ANTXR1: variants seen among roughly 807,000 people sequenced by gnomAD.
ANTXR1 encodes anthrax toxin receptor 1.
Under a neutral mutation model 78.1 loss-of-function variants are expected in ANTXR1, and 19 were observed. The observed-to-expected ratio is 0.24, with a 90% CI of 0.17 to 0.36. The LOEUF (loss-of-function observed/expected upper bound fraction) is 0.36. Ranked by LOEUF, ANTXR1 falls within the 10% of genes least tolerant of loss-of-function variation. The pLI is 1.00. For synonymous variants in ANTXR1, 273 were observed against 260.5 expected (o/e 1.05, Z -0.46); for missense variants, 518 against 718.6 (o/e 0.72, Z 3.19).
intron 17 of ANTXR1, among the ~76,000 whole-genome samples, chr2:69,214,614 CCT>C (rs1422698527): frequency 3.3e-5 from 5 of 152,198 alleles, no homozygotes; most frequent in South Asian, 4.1e-4. Context: ...TTGTCTCTCC[CCT>C]GTTTCTCCAT....
intron 17 of ANTXR1, among the ~76,000 whole-genome samples, chr2:69,218,367 G>C (rs1470267598): frequency 6.6e-6 from 1 of 152,200 alleles, no homozygotes; most frequent in East Asian, 1.9e-4. Context: ...AAAAAAAGGG[G>C]GGGATGGGTA....
chr2:69,157,715 A>T (rs1449295184), intron 13 of ANTXR1, among the ~76,000 whole-genome samples: 1 of 152,144 alleles, frequency 6.6e-6, no homozygotes, highest in Non-Finnish European at 1.5e-5. Flanking sequence ...TTGCTTAAGA[A>T]ATATTTGTGG....
intron 10 of ANTXR1, among the ~76,000 whole-genome samples, chr2:69,105,151 C>T (rs1300189812): frequency 6.6e-6 from 1 of 152,180 alleles, no homozygotes; most frequent in Non-Finnish European, 1.5e-5. Flanking sequence ...ACTCGAAGGC[C>T]TATTTTCCAA....
At chr2:69,075,727 A>C in intron 7 of ANTXR1, 69 bp downstream of exon 7, 1 of 1,383,440 alleles carries the variant, frequency 7.2e-7, no homozygotes, top group Non-Finnish European at 1.0e-6. Context: ...ATGTTCAGTC[A>C]GTGCAGAGGG....
intron 17 of ANTXR1, among the ~76,000 whole-genome samples, chr2:69,219,277 G>A (rs780904735): frequency 2.6e-4 from 40 of 151,996 alleles, no homozygotes; most frequent in African/African-American, 8.5e-4. Flanking sequence ...TTCTGTGTGC[G>A]TAGTCATCTC....
chr2:69,182,138 T>A (rs1172537729), intron 15 of ANTXR1: 1 of 563,036 alleles, frequency 1.8e-6, no homozygotes, highest in Non-Finnish European at 3.2e-6. Flanking sequence ...TTTCCATGTC[T>A]TGCCCACCGT....
At chr2:69,055,007 A>G (rs1670029446) in intron 3 of ANTXR1, among the ~76,000 whole-genome samples, 1 of 152,164 alleles carries the variant, frequency 6.6e-6, no homozygotes, top group Non-Finnish European at 1.5e-5. Context: ...TTTCTTATCT[A>G]TAAAGTGAAT....
At chr2:69,018,145 A>G (rs1671079470) in intron 1 of ANTXR1, among the ~76,000 whole-genome samples, 1 of 152,148 alleles carries the variant, frequency 6.6e-6, no homozygotes, top group African/African-American at 2.4e-5. Flanking sequence ...AGGACTTGCC[A>G]AAGCCACAGC....
chr2:69,149,750 A>G (rs374253947), intron 12 of ANTXR1, among the ~76,000 whole-genome samples: 2 of 152,298 alleles, frequency 1.3e-5, no homozygotes, highest in East Asian at 3.9e-4. Flanking sequence ...CCCCACGTCA[A>G]TGCAGTGAGG....
At chr2:69,153,170 A>G (rs1558604132) in intron 13 of ANTXR1, among the ~76,000 whole-genome samples, 2 of 152,138 alleles carry the variant, frequency 1.3e-5, no homozygotes, top group African/African-American at 4.8e-5. Flanking sequence ...TAGTTCTTCC[A>G]TGGAAGGGCC....
chr2:69,086,477 G>A (rs1354927258), intron 8 of ANTXR1, among the ~76,000 whole-genome samples: 1 of 152,194 alleles, frequency 6.6e-6, no homozygotes, highest in East Asian at 1.9e-4. Flanking sequence ...ATGTACAAAA[G>A]TCAACTTACC....
In ANTXR1 at chr2:69,245,500, G is replaced by A; in HGVS notation, c.*15G>A. 1.2e-6 allele frequency: 2 copies of A among 1,613,002 alleles called. No individual in the cohort carries two copies. Among genetic ancestry groups the A allele is most frequent in the Non-Finnish European group, 1.7e-6 (2 of 1,179,850 alleles). On this transcript the variant is annotated 3_prime_UTR_variant, in exon 18 of 18. Transcript: ENST00000303714. ...CTTCTGTCTAGAGCCCAAAGTTCCT[G>A]CTCTGGGCTCTCTCAGAAACTTCAG...
intron 14 of ANTXR1, among the ~76,000 whole-genome samples, chr2:69,177,926 C>A (rs7583385): frequency 0.08 from 12,205 of 152,220 alleles, 1,655 homozygotes; most frequent in African/African-American, 0.28. Context: ...TTCTCATTCA[C>A]AGCAATTGGG....
chr2:69,182,204 G>A (rs1674292878), intron 15 of ANTXR1, among the ~76,000 whole-genome samples: 1 of 152,038 alleles, frequency 6.6e-6, no homozygotes, highest in Admixed American at 6.6e-5. Flanking sequence ...TTTTCTCACT[G>A]GAATAAAATC....
At chr2:69,017,855 C>G (rs999555153) in intron 1 of ANTXR1, among the ~76,000 whole-genome samples, 4 of 152,140 alleles carry the variant, frequency 2.6e-5, no homozygotes, top group Non-Finnish European at 5.9e-5. Flanking sequence ...GATGAATGCA[C>G]CCATTTGACC....
At chr2:69,231,697 A>G (rs932663687) in intron 17 of ANTXR1, among the ~76,000 whole-genome samples, 8 of 152,164 alleles carry the variant, frequency 5.3e-5, no homozygotes, top group African/African-American at 1.9e-4. Context: ...TTGATTGGAC[A>G]TCCCAGAGGG....
At position 69,071,805 on chromosome 2, in the gene ANTXR1, A is replaced by G. The variant is rs1316343876; in HGVS notation, c.412+18A>G. 4 of 1,610,926 alleles carry G rather than the reference A, an allele frequency of 2.5e-6. No individual in the cohort carries two copies. In the African/African-American group the frequency reaches 4.0e-5, roughly 16 times the overall value. ...CAGACAAGGTAAGACTATAGTATGAACTACCATTATGAATTATTTAACTTT... is the reference window on the plus strand; with the variant it reads ...CAGACAAGGTAAGACTATAGTATGAGCTACCATTATGAATTATTTAACTTT... On this transcript the variant is annotated intron_variant, in intron 5 of 17. Transcript: ENST00000303714.
At chr2:69,096,550 A>C (rs1433082405) in intron 9 of ANTXR1, among the ~76,000 whole-genome samples, 3 of 152,036 alleles carry the variant, frequency 2.0e-5, no homozygotes, top group Non-Finnish European at 4.4e-5. Flanking sequence ...GCACTGGTGA[A>C]CATATATAGG....
intron 12 of ANTXR1, among the ~76,000 whole-genome samples, chr2:69,131,769 C>G (rs1176149583): frequency 6.6e-6 from 1 of 152,162 alleles, no homozygotes; most frequent in Non-Finnish European, 1.5e-5. Context: ...AGAATCAGAA[C>G]AGGGGGCTCT....
Sources: gnomAD v4.1 joint callset for allele counts (sites outside exome capture counted in the v4.1 genomes callset) on GRCh38, gnomAD v4.1.1 for gene constraint, MANE v1.5 for transcripts, NCBI Gene and HGNC (gene_info 2026-07-23, HGNC 2026-07-21) for gene names.